LACTB2: variants seen among roughly 807,000 people sequenced by gnomAD.
LACTB2 encodes endoribonuclease LACTB2.
LACTB2 carries 32 observed loss-of-function variants against 34.8 expected under a neutral mutation model. The ratio of observed to expected loss-of-function variants is 0.92; its 90% CI spans 0.69 to 1.24. LACTB2 has a LOEUF of 1.24. Among genes scored for constraint, LACTB2 ranks in the 50% most tolerant of loss-of-function variants. The pLI is 0.00. For missense variants in LACTB2, 320 were observed against 345.0 expected, an observed-to-expected ratio of 0.93 and a Z score of 0.57; for synonymous variants, 120 against 117.5, an observed-to-expected ratio of 1.02 and a Z score of -0.14.
chr8:70,660,133 T>TC (rs1335998398), intron 2 of LACTB2: 3 of 152,132 alleles, frequency 2.0e-5, no homozygotes, highest in African/African-American at 7.2e-5. Context: ...TCTTTTTTTT[T>TC]CCCGCAAACA....
At chr8:70,642,200 C>T (rs1412121099) in intron 4 of LACTB2, among the ~76,000 whole-genome samples, 3 of 152,180 alleles carry the variant, frequency 2.0e-5, no homozygotes, top group Non-Finnish European at 4.4e-5. Context: ...AACGTCTGCC[C>T]TCTTCGCTTT....
chr8:70,662,387 TGAA>T (rs1818491076), intron 1 of LACTB2: 1 of 152,374 alleles, frequency 6.6e-6, no homozygotes, highest in South Asian at 2.1e-4. Context: ...TTTATAGATA[TGAA>T]AGATTTTGAT....
At chr8:70,645,079 T>C (rs566975362) in intron 3 of LACTB2, among the ~76,000 whole-genome samples, 60 of 151,858 alleles carry the variant, frequency 4.0e-4, no homozygotes, top group Non-Finnish European at 7.1e-4. Context: ...CACACACACA[T>C]ATACACATAT....
chr8:70,662,049 C>T lies in LACTB2; in HGVS notation c.123-152G>A, dbSNP rs562117490. On this transcript the variant is annotated intron_variant, in intron 1 of 6. Coordinates refer to ENST00000276590, the MANE Select transcript of LACTB2 (RefSeq NM_016027.3). ...CAGCTACATCACTTCAGCTTAACTA[C>T]AGTAATCTCACCCTAAGAAAGTTTT... 3.6e-4 allele frequency: 210 copies of T among 583,896 alleles called. 1 individual carries two copies. The African/African-American group carries it at 3.7e-3, about 10-fold the overall frequency. The allele number at this position is 583,896 out of a possible 1,614,324, so 36.2% of individuals were successfully genotyped here. A position where few individuals can be genotyped will look rare whatever the true frequency, so the allele number is the denominator to read the frequency against.
chr8:70,651,134 A>G (rs953902252), intron 3 of LACTB2, among the ~76,000 whole-genome samples: 1 of 152,184 alleles, frequency 6.6e-6, no homozygotes, highest in Admixed American at 6.5e-5. Flanking sequence ...TTGAAACTGT[A>G]AAGACTTTAA....
Position 70,657,756 on chromosome 8 carries a change from C to T in LACTB2, c.413G>A (p.Arg138Lys), listed in dbSNP as rs1244645561. The change falls in exon 3 of 7, where the codon AGA (arginine) becomes AAA (lysine). Residue 138 changes from arginine to lysine, a missense_variant and splice_region_variant. Arg to Lys is a conservative substitution (Grantham distance 26, BLOSUM62 2). Coordinates refer to ENST00000276590, the MANE Select transcript of LACTB2 (RefSeq NM_016027.3). The stretch of plus-strand genomic sequence containing the variant: ...CCCTGGCTAAGGGACATTTACTTAC[C>T]TTAGAGTGGCTCCCTCAGTCTTAAT... The part of the protein sequence containing the change: ...DVIKTEGATL[R>K]VLYTPGHTDD... 1.2e-6 allele frequency: 2 copies of T among 1,610,978 alleles called. No individual in the cohort carries two copies. Among genetic ancestry groups the T allele is most frequent in the East Asian group, 2.2e-5 (1 of 44,760 alleles).
At chr8:70,643,950 G>A in intron 4 of LACTB2, 115 bp downstream of exon 4, 1 of 1,096,722 alleles carries the variant, frequency 9.1e-7, no homozygotes, top group South Asian at 2.5e-5. Context: ...GCTTTGGGAG[G>A]TTGAGGTGGG....
intron 1 of LACTB2, among the ~76,000 whole-genome samples, chr8:70,668,344 C>G (rs1818564699): frequency 6.6e-6 from 1 of 152,204 alleles, no homozygotes; most frequent in Admixed American, 6.5e-5. Flanking sequence ...CTGCATAATT[C>G]CACTAAAACA....
intron 5 of LACTB2, chr8:70,640,522 C>T (rs998073277): frequency 1.3e-5 from 2 of 153,096 alleles, no homozygotes; most frequent in Admixed American, 1.3e-4. Context: ...GTTAACATTC[C>T]AATATTTGTG....
intron 3 of LACTB2, among the ~76,000 whole-genome samples, chr8:70,645,533 T>C (rs1244868856): frequency 6.6e-6 from 1 of 152,038 alleles, no homozygotes; most frequent in African/African-American, 2.4e-5. Context: ...TTAGGGTACA[T>C]GTGCACAACG....
At chr8:70,647,483 C>A (rs1246275761) in intron 3 of LACTB2, among the ~76,000 whole-genome samples, 1 of 152,172 alleles carries the variant, frequency 6.6e-6, no homozygotes, top group Non-Finnish European at 1.5e-5. Context: ...AAACTCCTGA[C>A]CTCAAGTGAT....
intron 5 of LACTB2, among the ~76,000 whole-genome samples, chr8:70,640,252 C>T (rs937135498): frequency 1.3e-5 from 2 of 152,282 alleles, no homozygotes; most frequent in African/African-American, 2.4e-5. Flanking sequence ...TGAGCCACCA[C>T]GCCTGGCCAC....
rs11399242 is a variant in LACTB2, at chr8:70,638,660, C to CTT, written c.742-33_742-32dup. 4,364 of 1,088,864 alleles carry CTT rather than the reference C, an allele frequency of 4.0e-3. 6 individuals carry two copies. The highest frequency in any genetic ancestry group is 0.015 in the South Asian group (678 of 46,200). The allele number at this position is 1,088,864 out of a possible 1,614,324, so 67.5% of individuals were successfully genotyped here. Reference sequence around the variant, plus strand: ...AGAAAAATGAAGGTGAAAAAAATTCCTTTTTTTTTAAAAAAAAGAACACAG... The same window carrying CTT: ...AGAAAAATGAAGGTGAAAAAAATTCCTTTTTTTTTTTAAAAAAAAGAACACAG... On this transcript the variant is annotated intron_variant, in intron 5 of 6. Transcript: ENST00000276590.
chr8:70,644,355 A>G lies in LACTB2; in HGVS notation c.414-112T>C, dbSNP rs1048057173. The G allele has an allele frequency of 1.6e-5, 11 of 692,736 alleles. No individual in the cohort carries two copies. In the Admixed American group the frequency reaches 3.2e-4, roughly 20 times the overall value. The allele number at this position is 692,736 out of a possible 1,614,324, so 42.9% of individuals were successfully genotyped here. On this transcript the variant is annotated intron_variant, in intron 3 of 6. Coordinates refer to ENST00000276590, the MANE Select transcript of LACTB2 (RefSeq NM_016027.3). ...ATCTTTAGACACAAATAAACAGATG[A>G]GTTAAAAAGCTGCTTTTTCTTTTCT... is the stretch of plus-strand genomic sequence containing the variant.
At chr8:70,649,289 C>T (rs1055635112) in intron 3 of LACTB2, among the ~76,000 whole-genome samples, 25 of 152,054 alleles carry the variant, frequency 1.6e-4, no homozygotes, top group African/African-American at 6.0e-4. Flanking sequence ...CAGCATCAGG[C>T]CCGGAGGAAA....
At chr8:70,655,434 C>G (rs902170322) in intron 3 of LACTB2, among the ~76,000 whole-genome samples, 3 of 152,048 alleles carry the variant, frequency 2.0e-5, no homozygotes, top group Admixed American at 2.0e-4. Context: ...GTTGGCCAGG[C>G]TGGTCTCAAA....
At chr8:70,666,944 G>T (rs374771197) in intron 1 of LACTB2, among the ~76,000 whole-genome samples, 2 of 152,146 alleles carry the variant, frequency 1.3e-5, no homozygotes, top group East Asian at 3.9e-4. Flanking sequence ...GGCTACTTGA[G>T]TCTGAAGATC....
At chr8:70,665,980 G>A (rs928394128) in intron 1 of LACTB2, among the ~76,000 whole-genome samples, 28 of 152,202 alleles carry the variant, frequency 1.8e-4, no homozygotes, top group Admixed American at 1.0e-3. Flanking sequence ...AAGCATCACA[G>A]TTAGGTCTAG....
intron 3 of LACTB2, among the ~76,000 whole-genome samples, chr8:70,653,237 A>C (rs1217659792): frequency 6.6e-6 from 1 of 152,082 alleles, no homozygotes; most frequent in Non-Finnish European, 1.5e-5. Flanking sequence ...CAGCCTCCCA[A>C]GTAGCTGGGA....
Sources: allele counts gnomAD v4.1 joint callset (sites outside exome capture counted in the v4.1 genomes callset), GRCh38; gene constraint gnomAD v4.1.1; transcripts MANE v1.5; gene names NCBI Gene and HGNC (gene_info 2026-07-23, HGNC 2026-07-21).